SYNPR: variants seen among roughly 807,000 people sequenced by gnomAD.
SYNPR encodes the protein synaptoporin.
A neutral mutation model predicts 32.9 loss-of-function variants in SYNPR; 23 were observed. The ratio of observed to expected loss-of-function variants is 0.70; its 90% CI spans 0.50 to 0.99. SYNPR has a LOEUF of 0.99. SYNPR is among the 50% of genes least tolerant of loss of function. SYNPR has a pLI of 0.00. For synonymous variants in SYNPR, 146 were observed against 135.9 expected (o/e 1.07, Z -0.52); for missense variants, 318 against 349.3 (o/e 0.91, Z 0.71).
intron 3 of SYNPR, among the ~76,000 whole-genome samples, chr3:63,548,961 A>AT (rs1702457573): frequency 6.6e-6 from 1 of 152,216 alleles, no homozygotes; most frequent in African/African-American, 2.4e-5. Context: ...TCAGATGACC[A>AT]TAATAGTGTG....
At chr3:63,506,061 C>T (rs1701580874) in intron 3 of SYNPR, among the ~76,000 whole-genome samples, 1 of 150,862 alleles carries the variant, frequency 6.6e-6, no homozygotes, top group Admixed American at 6.6e-5. Context: ...TTTGTTGTCA[C>T]TCAAACTTAG....
At chr3:63,304,999 T>G (rs1013946227) in intron 2 of SYNPR, among the ~76,000 whole-genome samples, 2 of 151,942 alleles carry the variant, frequency 1.3e-5, no homozygotes, top group Non-Finnish European at 2.9e-5. Flanking sequence ...AGCTATATAA[T>G]GTGTGCAGTT....
At chr3:63,437,637 G>A (rs530015468) in intron 2 of SYNPR, among the ~76,000 whole-genome samples, 21 of 150,690 alleles carry the variant, frequency 1.4e-4, no homozygotes, top group African/African-American at 4.9e-4. Flanking sequence ...AGGAAGTGAA[G>A]GGAGGTAGGG....
intron 3 of SYNPR, among the ~76,000 whole-genome samples, chr3:63,489,853 T>C (rs1044882493): frequency 6.6e-6 from 1 of 152,078 alleles, no homozygotes; most frequent in African/African-American, 2.4e-5. Context: ...GAACATCGCT[T>C]AGAATGTTCT....
At chr3:63,418,132 G>A (rs1244026713) in intron 2 of SYNPR, among the ~76,000 whole-genome samples, 3 of 152,102 alleles carry the variant, frequency 2.0e-5, no homozygotes, top group Admixed American at 2.0e-4. Context: ...GTCACCTCTT[G>A]AATGCTTTGC....
At chr3:63,581,346 A>C (rs1006498348) in intron 4 of SYNPR, among the ~76,000 whole-genome samples, 1 of 106,770 alleles carries the variant, frequency 9.4e-6, no homozygotes, top group East Asian at 4.2e-4. Flanking sequence ...TGGTTGTAGC[A>C]CTAAAGCAAC....
chr3:63,448,040 G>A (rs1700310335), intron 2 of SYNPR, among the ~76,000 whole-genome samples: 1 of 142,868 alleles, frequency 7.0e-6, no homozygotes, highest in African/African-American at 2.5e-5. Context: ...GTCTCATTCT[G>A]CCTCCCAGGC....
intron 1 of SYNPR, among the ~76,000 whole-genome samples, chr3:63,231,395 T>C (rs932843304): frequency 2.0e-5 from 3 of 152,112 alleles, no homozygotes; most frequent in African/African-American, 7.2e-5. Flanking sequence ...GCTCAGGTGA[T>C]GGGTGCACCA....
chr3:63,349,543 C>T (rs1169936048), intron 2 of SYNPR, among the ~76,000 whole-genome samples: 5 of 151,608 alleles, frequency 3.3e-5, no homozygotes, highest in Non-Finnish European at 5.9e-5. Flanking sequence ...AAATATATTC[C>T]GAGATATTTT....
intron 2 of SYNPR, among the ~76,000 whole-genome samples, chr3:63,446,350 T>C (rs1700276354): frequency 6.6e-6 from 1 of 151,654 alleles, no homozygotes; most frequent in African/African-American, 2.4e-5. Context: ...TCAGGTTGAA[T>C]ATTGCAAAGT....
At chr3:63,393,167 A>C (rs1457894824) in intron 2 of SYNPR, among the ~76,000 whole-genome samples, 2 of 152,248 alleles carry the variant, frequency 1.3e-5, no homozygotes, top group African/African-American at 4.8e-5. Flanking sequence ...GGTATTGCAC[A>C]GAATCAAACA....
intron 2 of SYNPR, among the ~76,000 whole-genome samples, chr3:63,376,540 A>C (rs1264438745): frequency 6.6e-6 from 1 of 152,034 alleles, no homozygotes; most frequent in African/African-American, 2.4e-5. Flanking sequence ...AAGGGGCAAA[A>C]GCTTCTACCC....
At chr3:63,557,337 G>T (rs897492351) in intron 4 of SYNPR, among the ~76,000 whole-genome samples, 1 of 152,120 alleles carries the variant, frequency 6.6e-6, no homozygotes, top group African/African-American at 2.4e-5. Flanking sequence ...CTTTACATGT[G>T]CATTTGCCCA....
At chr3:63,283,845 T>A (rs1175574313) in intron 2 of SYNPR, among the ~76,000 whole-genome samples, 1 of 130,274 alleles carries the variant, frequency 7.7e-6, no homozygotes, top group East Asian at 2.2e-4. Context: ...TGAGACGGAG[T>A]CTCGCTAGGC....
At chr3:63,412,549 G>T (rs929955998) in intron 2 of SYNPR, among the ~76,000 whole-genome samples, 6 of 152,152 alleles carry the variant, frequency 3.9e-5, no homozygotes, top group African/African-American at 1.4e-4. Flanking sequence ...TGTAAGTAAT[G>T]AAGGTGTGTA....
chr3:63,597,359 T>A (rs1699977115), intron 4 of SYNPR, among the ~76,000 whole-genome samples: 1 of 152,062 alleles, frequency 6.6e-6, no homozygotes, highest in South Asian at 2.1e-4. Flanking sequence ...CAATAGAAAA[T>A]AAACAGTGCT....
At chr3:63,461,517 C>A (rs1325829080) in intron 2 of SYNPR, among the ~76,000 whole-genome samples, 1 of 152,068 alleles carries the variant, frequency 6.6e-6, no homozygotes, top group Non-Finnish European at 1.5e-5. Flanking sequence ...TCTATCCCCA[C>A]AAACCACTGG....
At chr3:63,204,976 C>T in the SYNPR span, among the ~76,000 whole-genome samples, 1 of 152,214 alleles carries the variant, frequency 6.6e-6, no homozygotes, top group African/African-American at 2.4e-5. Context: ...GCATGAGCCA[C>T]TACGCCCAGC....
intron 3 of SYNPR, among the ~76,000 whole-genome samples, chr3:63,508,366 T>C (rs1701629896): frequency 6.6e-6 from 1 of 152,138 alleles, no homozygotes; most frequent in South Asian, 2.1e-4. Context: ...ACAGTGGCTA[T>C]AGTAAATAAG....
Sources: allele counts gnomAD v4.1 joint callset (sites outside exome capture counted in the v4.1 genomes callset), GRCh38; gene constraint gnomAD v4.1.1; transcripts MANE v1.5; gene names NCBI Gene and HGNC (gene_info 2026-07-23, HGNC 2026-07-21).